The following CCDC102B variants were observed in gnomAD, a reference collection of about 807,000 sequenced individuals.
CCDC102B encodes coiled-coil domain containing 102B.
A neutral mutation model predicts 57.4 loss-of-function variants in CCDC102B; 75 were observed. The ratio of observed to expected loss-of-function variants is 1.31; its 90% CI spans 1.08 to 1.58. The LOEUF (loss-of-function observed/expected upper bound fraction) is 1.58. CCDC102B is among the 40% of genes most tolerant of loss of function. The pLI is 0.00. For missense variants in CCDC102B, 636 were observed against 582.6 expected, an observed-to-expected ratio of 1.09 and a Z score of -0.94; for synonymous variants, 206 against 201.9, an observed-to-expected ratio of 1.02 and a Z score of -0.17.
At chr18:68,962,318 A>G (rs1003329320) in intron 6 of CCDC102B, among the ~76,000 whole-genome samples, 1 of 152,038 alleles carries the variant, frequency 6.6e-6, no homozygotes, top group South Asian at 2.1e-4. Context: ...TCTCACTTCA[A>G]CCATTTATCT....
chr18:68,916,658 A>G (rs557614250), intron 6 of CCDC102B, among the ~76,000 whole-genome samples: 4 of 152,310 alleles, frequency 2.6e-5, no homozygotes, highest in South Asian at 2.1e-4. Context: ...AAGATACACA[A>G]TGTGACAGCT....
intron 2 of CCDC102B, among the ~76,000 whole-genome samples, chr18:68,733,979 T>C (rs772276639): frequency 1.2e-4 from 18 of 152,202 alleles, no homozygotes; most frequent in Non-Finnish European, 2.4e-4. Context: ...AGGTCACAGA[T>C]ACACTTGCAA....
intron 6 of CCDC102B, among the ~76,000 whole-genome samples, chr18:68,960,019 A>G (rs773397781): frequency 1.1e-4 from 16 of 152,122 alleles, no homozygotes; most frequent in Non-Finnish European, 2.1e-4. Flanking sequence ...CTGGAAGACA[A>G]AGGTCCCCTT....
intron 2 of CCDC102B, among the ~76,000 whole-genome samples, chr18:68,791,067 T>G (rs1329930667): frequency 6.6e-6 from 1 of 152,220 alleles, no homozygotes; most frequent in Non-Finnish European, 1.5e-5. Context: ...TTAATCCGTA[T>G]GCCTTAGCAA....
chr18:68,962,134 T>C (rs1426668154), intron 6 of CCDC102B, among the ~76,000 whole-genome samples: 1 of 152,156 alleles, frequency 6.6e-6, no homozygotes, highest in Admixed American at 6.6e-5. Context: ...TAGCATATAT[T>C]CCATGTTTTG....
chr18:68,824,926 G>A (rs1273540025), intron 1 of CCDC102B, among the ~76,000 whole-genome samples: 1 of 152,088 alleles, frequency 6.6e-6, no homozygotes, highest in Non-Finnish European at 1.5e-5. Flanking sequence ...AAACTGGAAA[G>A]GCATAGAGAG....
Position 68,717,906 on chromosome 18 carries a change from G to A in CCDC102B, c.-67+1312G>A, listed in dbSNP as rs2032112695. The A allele has an allele frequency of 1.3e-5, 2 of 152,164 alleles. 1 individual carries two copies. Among genetic ancestry groups the A allele is most frequent in the South Asian group, 4.1e-4 (2 of 4,834 alleles). 9.4% of individuals were successfully genotyped at this position (152,164 alleles called of 1,614,324 possible). On this transcript the variant is annotated intron_variant, in intron 2 of 3. Coordinates refer to the CCDC102B transcript ENST00000578970. ...TTAAGAGGTGGGGCCATTTGGGCATGATTTAGTCATGAGGTGGAATCCTCA... is the reference window on the plus strand; with the variant it reads ...TTAAGAGGTGGGGCCATTTGGGCATAATTTAGTCATGAGGTGGAATCCTCA...
chr18:68,947,667 G>A (rs1382372580), intron 6 of CCDC102B, among the ~76,000 whole-genome samples: 2 of 152,180 alleles, frequency 1.3e-5, no homozygotes, highest in Non-Finnish European at 2.9e-5. Context: ...CTCTGCAAGT[G>A]TCTTAACCCT....
intron 7 of CCDC102B, among the ~76,000 whole-genome samples, chr18:69,047,040 G>A (rs975958328): frequency 6.6e-6 from 1 of 152,082 alleles, no homozygotes; most frequent in African/African-American, 2.4e-5. Context: ...GATGCCTCCA[G>A]CTTTGTTATT....
chr18:68,742,149 C>A lies in CCDC102B; in HGVS notation c.-67+25555C>A, dbSNP rs1272094568. Reference sequence around the variant, plus strand: ...TATCAAGATGTCTCCCGGGATGATTCCTCCTGGAGGCTCTGAGGCAGAATT... The same window carrying A: ...TATCAAGATGTCTCCCGGGATGATTACTCCTGGAGGCTCTGAGGCAGAATT... On this transcript the variant is annotated intron_variant, in intron 2 of 3. Transcript: ENST00000578970. Among the ~76,000 whole-genome samples, 6 of 152,150 alleles carry A rather than the reference C, an allele frequency of 3.9e-5. No homozygotes were observed. In the East Asian group the frequency reaches 9.6e-4, roughly 24 times the overall value.
chr18:68,990,571 A>T lies in CCDC102B; in HGVS notation c.1264-20363A>T, dbSNP rs2050838859. Among the ~76,000 whole-genome samples, 6 of 152,184 alleles carry T rather than the reference A, an allele frequency of 3.9e-5. No homozygotes were observed. In the South Asian group the frequency reaches 1.2e-3, roughly 32 times the overall value. ...TTGTGTGTATACAAGGTATGCGTAAATAATCAGAATCATTATATACATACA... is the reference window on the plus strand; with the variant it reads ...TTGTGTGTATACAAGGTATGCGTAATTAATCAGAATCATTATATACATACA... On this transcript the variant is annotated intron_variant, in intron 6 of 7. Coordinates refer to ENST00000360242, the MANE Select transcript of CCDC102B (RefSeq NM_024781.3).
intron 6 of CCDC102B, among the ~76,000 whole-genome samples, chr18:68,992,365 T>G (rs2050892531): frequency 6.6e-6 from 1 of 152,150 alleles, no homozygotes; most frequent in Non-Finnish European, 1.5e-5. Context: ...GAGAGTCATC[T>G]CTTAAGTGAT....
intron 6 of CCDC102B, among the ~76,000 whole-genome samples, chr18:68,997,082 C>T (rs373400990): frequency 1.3e-5 from 2 of 152,236 alleles, no homozygotes; most frequent in African/African-American, 4.8e-5. Flanking sequence ...CCCTTCCTGC[C>T]ACCATGTAAA....
At chr18:69,034,835 A>T (rs1232399109) in intron 7 of CCDC102B, among the ~76,000 whole-genome samples, 2 of 151,744 alleles carry the variant, frequency 1.3e-5, no homozygotes, top group Non-Finnish European at 2.9e-5. Flanking sequence ...ATGGGAAATA[A>T]TTGGTTTCCT....
intron 2 of CCDC102B, among the ~76,000 whole-genome samples, chr18:68,732,359 T>C (rs915286775): frequency 7.2e-5 from 11 of 151,790 alleles, no homozygotes; most frequent in Non-Finnish European, 1.6e-4. Context: ...CTCTCTCTCT[T>C]TTTTGGGATG....
intron 5 of CCDC102B, among the ~76,000 whole-genome samples, chr18:68,896,065 G>T (rs1246323660): frequency 6.6e-6 from 1 of 151,774 alleles, no homozygotes; most frequent in Non-Finnish European, 1.5e-5. Flanking sequence ...GTCTACATTG[G>T]GGTAGATGAA....
intron 6 of CCDC102B, among the ~76,000 whole-genome samples, chr18:68,956,543 A>ATG (rs2049893567): frequency 2.4e-4 from 1 of 4,220 alleles, no homozygotes; most frequent in Admixed American, 5.4e-3. Context: ...TATATTTTAT[A>ATG]TATATAAATA....
chr18:68,749,051 G>C (rs972391514), intron 2 of CCDC102B, among the ~76,000 whole-genome samples: 1 of 152,108 alleles, frequency 6.6e-6, no homozygotes, highest in Non-Finnish European at 1.5e-5. Flanking sequence ...CCCACTTCTT[G>C]TTTTTGTCAG....
chr18:68,758,148 C>T (rs910381160), intron 2 of CCDC102B, among the ~76,000 whole-genome samples: 11 of 151,772 alleles, frequency 7.2e-5, no homozygotes, highest in African/African-American at 2.7e-4. Flanking sequence ...GATTTTGATA[C>T]TTGAAGCTGA....
Sources: gnomAD v4.1 joint callset for allele counts (sites outside exome capture counted in the v4.1 genomes callset) on GRCh38, gnomAD v4.1.1 for gene constraint, MANE v1.5 for transcripts, NCBI Gene and HGNC (gene_info 2026-07-23, HGNC 2026-07-21) for gene names.